SZT2: variants seen among roughly 807,000 people sequenced by gnomAD.
SZT2 encodes the protein SZT2 subunit of KICSTOR complex.
A neutral mutation model predicts 404.2 loss-of-function variants in SZT2; 216 were observed. The ratio of observed to expected loss-of-function variants is 0.53; its 90% CI spans 0.48 to 0.60. The LOEUF is 0.60. SZT2 is among the 20% of genes least tolerant of loss of function. SZT2 has a pLI of 0.00. For missense variants in SZT2, 3,857 were observed against 4,459.2 expected (o/e 0.86, Z 3.85); for synonymous variants, 1,693 against 1,749.9 (o/e 0.97, Z 0.81).
At position 43,453,969 on chromosome 1, in the gene SZT2, G is replaced by T. The variant is rs1474828075; in HGVS notation, c.*3489G>T. ...CCGGGCCTTCACGAAAAGCGCCTAC[G>T]GTTAGCGAGAGAGGGATCACGGGGA... On this transcript the variant is annotated 3_prime_UTR_variant, in exon 72 of 72. Coordinates refer to ENST00000634258, the MANE Select transcript of SZT2 (RefSeq NM_001365999.1). 8.4e-7 allele frequency: 1 copy of T among 1,193,116 alleles called. No homozygotes were observed. The highest frequency in any genetic ancestry group is 1.0e-6 in the Non-Finnish European group (1 of 963,430). The allele number at this position is 1,193,116 out of a possible 1,614,324, so 73.9% of individuals were successfully genotyped here. A position where few individuals can be genotyped will look rare whatever the true frequency, so the allele number is the denominator to read the frequency against.
Position 43,434,417 on chromosome 1 carries a change from A to C in SZT2, c.5836A>C (p.Thr1946Pro). The C allele has an allele frequency of 1.3e-6, 2 of 1,598,338 alleles. No homozygotes were observed. Among genetic ancestry groups the C allele is most frequent in the South Asian group, 1.1e-5 (1 of 87,172 alleles). ...SLIREDGGPGTECRHLQQLLV... is the reference protein window; with the variant it reads ...SLIREDGGPGPECRHLQQLLV... The stretch of plus-strand genomic sequence containing the variant: ...GATTCGGGAGGATGGGGGGCCGGGC[A>C]CTGAGTGTCGCCACCTGCAGCAGCT... Residue 1946 changes from threonine to proline, a missense_variant, in exon 41 of 72, where the codon ACT becomes CCT. Coordinates refer to ENST00000634258, the MANE Select transcript of SZT2 (RefSeq NM_001365999.1).
rs1652493942 is a variant in SZT2 at position 43,422,521 on chromosome 1, G to A, written c.1811G>A (p.Arg604His). 6.3e-7 allele frequency: 1 copy of A among 1,597,226 alleles called. No individual in the cohort carries two copies. The highest frequency in any genetic ancestry group is 8.5e-7 in the Non-Finnish European group (1 of 1,179,196). The change falls in exon 13 of 72, where the codon CGC (arginine) becomes CAC (histidine). Residue 604 changes from arginine to histidine, a missense_variant. By Grantham distance (29) the Arg-to-His change is conservative. Around this residue, in one of 7 missense-constraint regions of SZT2, gnomAD observed 1,725 missense variants for 1,881.0 expected, o/e 0.92. Transcript: ENST00000634258. ...KHLHTPGSNG[R>H]YSTIQCRISH... Reference sequence around the variant, plus strand: ...TTGCACACCCCGGGCAGCAATGGGCGCTACAGCACTATCCAGTGCAGGATC... The same window carrying A: ...TTGCACACCCCGGGCAGCAATGGGCACTACAGCACTATCCAGTGCAGGATC...
chr1:43,453,644 G>T lies in SZT2; in HGVS notation c.*3164G>T. ...GCCGCAGCCCCGCTTCTCGCGCGGC[G>T]CGCGCCAGCGCCTCAGGCGTCTCCG... On this transcript the variant is annotated 3_prime_UTR_variant, in exon 72 of 72. Coordinates refer to ENST00000634258, the MANE Select transcript of SZT2 (RefSeq NM_001365999.1). The T allele has an allele frequency of 6.7e-7, 1 of 1,490,476 alleles. No homozygotes were observed. Among genetic ancestry groups the T allele is most frequent in the South Asian group, 1.3e-5 (1 of 78,516 alleles). 92.3% of individuals were successfully genotyped at this position (1,490,476 alleles called of 1,614,324 possible).
At position 43,431,506 on chromosome 1, in the gene SZT2, G is replaced by A. The variant is rs76392948; in HGVS notation, c.5071G>A (p.Glu1691Lys). The A allele has an allele frequency of 1.2e-6, 2 of 1,613,956 alleles. No homozygotes were observed. Among genetic ancestry groups the A allele is most frequent in the Non-Finnish European group, 1.7e-6 (2 of 1,180,012 alleles). Residue 1691 changes from glutamate to lysine, a missense_variant, in exon 35 of 72, where the codon GAG becomes AAG. Glu to Lys is a moderately conservative substitution (Grantham distance 56). Around this residue, in one of 7 missense-constraint regions of SZT2, gnomAD observed 1,725 missense variants for 1,881.0 expected, o/e 0.92. Coordinates refer to ENST00000634258, the MANE Select transcript of SZT2 (RefSeq NM_001365999.1). ...GGCCACGCCCCACAGACTGGCTATT[G>A]AGACCACCATGAATGAGGTGAGCCC... ...NLATPHRLAI[E>K]TTMNEIRWLL...
rs749046289 is a variant in SZT2 at position 43,423,154 on chromosome 1, A to G, written c.2093A>G (p.Gln698Arg). ...ILRLRFPHRV[Q>R]SKEPTPKVKR... Reference sequence around the variant, plus strand: ...CGGCTGCGTTTCCCCCACCGGGTACAAAGCAAGGAGCCAACGCCCAAGGTG... The same window carrying G: ...CGGCTGCGTTTCCCCCACCGGGTACGAAGCAAGGAGCCAACGCCCAAGGTG... Residue 698 changes from glutamine (Q) to arginine (R), a missense_variant, in exon 15 of 72, where the codon CAA becomes CGA. Physicochemically the swap from Gln to Arg is conservative, Grantham distance 43. Coordinates refer to ENST00000634258, the MANE Select transcript of SZT2 (RefSeq NM_001365999.1). 2 of 1,597,246 alleles carry G rather than the reference A, an allele frequency of 1.3e-6. No individual in the cohort carries two copies. Among genetic ancestry groups the G allele is most frequent in the East Asian group, 2.2e-5 (1 of 44,844 alleles).
rs1233007548 is a variant in SZT2, at chr1:43,450,853, C to T, written c.*373C>T. 8.4e-6 allele frequency: 6 copies of T among 716,204 alleles called. No homozygotes were observed. The highest frequency in any genetic ancestry group is 1.5e-5 in the Non-Finnish European group (6 of 387,178). 44.4% of individuals were successfully genotyped at this position (716,204 alleles called of 1,614,324 possible). On this transcript the variant is annotated 3_prime_UTR_variant, in exon 72 of 72. Coordinates refer to ENST00000634258, the MANE Select transcript of SZT2 (RefSeq NM_001365999.1). The surrounding 1 kb of genome is among the most constrained non-coding windows in gnomAD (Gnocchi z 4.3). ...CTGCCCCCTAGCCTTTGACCACTGTCAGCCACCTGTGTCCCTTGAGCCTTC... is the reference window on the plus strand; with the variant it reads ...CTGCCCCCTAGCCTTTGACCACTGTTAGCCACCTGTGTCCCTTGAGCCTTC...
In SZT2 at chr1:43,453,795, C is replaced by T. The variant is rs1408388433; in HGVS notation, c.*3315C>T. ...GGCGGAGAAGCGCAGCGGCGCCATG[C>T]CTGGGGAGGCCGGGCCGGGCGGAGT... On this transcript the variant is annotated 3_prime_UTR_variant, in exon 72 of 72. Transcript: ENST00000634258. 1 of 1,266,454 alleles carries T rather than the reference C, an allele frequency of 7.9e-7. No homozygotes were observed. The highest frequency in any genetic ancestry group is 9.9e-7 in the Non-Finnish European group (1 of 1,009,022). 78.5% of individuals were successfully genotyped at this position (1,266,454 alleles called of 1,614,324 possible). A position where few individuals can be genotyped will look rare whatever the true frequency, so the allele number is the denominator to read the frequency against.
intron 1 of SZT2, among the ~76,000 whole-genome samples, chr1:43,395,993 T>C (rs939423443): frequency 9.9e-5 from 15 of 152,222 alleles, no homozygotes; most frequent in African/African-American, 3.1e-4. Flanking sequence ...ACAGGACTAA[T>C]TGAATGATCG....
At chr1:43,410,148 T>C (rs3001721) in intron 4 of SZT2, 51,052 of 151,988 alleles carry the variant, frequency 0.34, 9,281 homozygotes, top group Middle Eastern at 0.46. Context: ...AGAACATACA[T>C]TGGGGAAAGA....
At position 43,441,198 on chromosome 1, in the gene SZT2, A is replaced by G; in HGVS notation, c.7345-16A>G. The G allele has an allele frequency of 1.2e-6, 2 of 1,611,118 alleles. No individual in the cohort carries two copies. The highest frequency in any genetic ancestry group is 2.2e-5 in the East Asian group (1 of 44,802). On this transcript the variant is annotated splice_polypyrimidine_tract_variant and intron_variant, in intron 52 of 71. Transcript: ENST00000634258. The surrounding 1 kb of genome is among the most constrained non-coding windows in gnomAD (Gnocchi z 4.8). Reference sequence around the variant, plus strand: ...TCTTCCCAGTAGCCCTTCCTCATTCACTGCATTGCCCCCAGAGTAAAACAG... The same window carrying G: ...TCTTCCCAGTAGCCCTTCCTCATTCGCTGCATTGCCCCCAGAGTAAAACAG...
Position 43,453,322 on chromosome 1 carries a change from C to T in SZT2, c.*2842C>T. The T allele has an allele frequency of 9.0e-7, 1 of 1,105,192 alleles. No homozygotes were observed. The highest frequency in any genetic ancestry group is 1.5e-5 in the South Asian group (1 of 67,686). 68.5% of individuals were successfully genotyped at this position (1,105,192 alleles called of 1,614,324 possible). Reference sequence around the variant, plus strand: ...CTGAGCGTCTCAGATCTGGCGTCCTCGACTCCCTGAACCTGCATCAGGGTC... The same window carrying T: ...CTGAGCGTCTCAGATCTGGCGTCCTTGACTCCCTGAACCTGCATCAGGGTC... On this transcript the variant is annotated 3_prime_UTR_variant, in exon 72 of 72. Coordinates refer to ENST00000634258, the MANE Select transcript of SZT2 (RefSeq NM_001365999.1).
chr1:43,453,259 G>C lies in SZT2; in HGVS notation c.*2779G>C. On this transcript the variant is annotated 3_prime_UTR_variant, in exon 72 of 72. Coordinates refer to ENST00000634258, the MANE Select transcript of SZT2 (RefSeq NM_001365999.1). ...CAAAAGGCAATTTACAAAGGACCAGGACCGCAGAGGCAGAGATAAACCAGT... is the reference window on the plus strand; with the variant it reads ...CAAAAGGCAATTTACAAAGGACCAGCACCGCAGAGGCAGAGATAAACCAGT... 2 of 676,964 alleles carry C rather than the reference G, an allele frequency of 3.0e-6. No homozygotes were observed. Among genetic ancestry groups the C allele is most frequent in the South Asian group, 3.7e-5 (2 of 53,674 alleles). 41.9% of individuals were successfully genotyped at this position (676,964 alleles called of 1,614,324 possible). A position where few individuals can be genotyped will look rare whatever the true frequency, so the allele number is the denominator to read the frequency against.
At position 43,437,967 on chromosome 1, in the gene SZT2, T is replaced by C; in HGVS notation, c.6508+65T>C. On this transcript the variant is annotated intron_variant, in intron 46 of 71. Transcript: ENST00000634258. This position sits in a 1 kb window ranked among gnomAD's most constrained non-coding sequence, Gnocchi z 5.3. ...GTTCCAGAATCCTCTGGGACTTCTC[T>C]TAGAACCTTGCAAGCATTACACTAG... 2 of 1,503,762 alleles carry C rather than the reference T, an allele frequency of 1.3e-6. No homozygotes were observed. The highest frequency in any genetic ancestry group is 9.2e-7 in the Non-Finnish European group (1 of 1,082,234). The allele number at this position is 1,503,762 out of a possible 1,614,324, so 93.2% of individuals were successfully genotyped here.
In SZT2 at chr1:43,403,781, G is replaced by T. The variant is rs201252901; in HGVS notation, c.327+7G>T. 2.1e-4 allele frequency: 332 copies of T among 1,611,732 alleles called. No individual in the cohort carries two copies. The highest frequency in any genetic ancestry group is 2.7e-4 in the Non-Finnish European group (322 of 1,178,090). ...CCCATCTACTGGCATTGTGGTAAAG[G>T]ATTGAAGGGAGACTGTGGGAAGAAA... On this transcript the variant is annotated splice_region_variant and intron_variant, in intron 3 of 71. Transcript: ENST00000634258.
chr1:43,448,261 C>T lies in SZT2; in HGVS notation c.9746C>T (p.Pro3249Leu). ...ILAPGPAPLF[P>L]PLAAEVGMAR... The stretch of plus-strand genomic sequence containing the variant: ...GCGCCTGGACCGGCTCCTCTGTTCC[C>T]ACCACTGGCTGCAGAGGTGGGCATG... Residue 3249 changes from proline to leucine, a missense_variant, in exon 69 of 72, where the codon CCA becomes CTA. Physicochemically the swap from Pro to Leu is moderately conservative, Grantham distance 98. Transcript: ENST00000634258. The surrounding 1 kb of genome is among the most constrained non-coding windows in gnomAD (Gnocchi z 4.2). The T allele has an allele frequency of 6.3e-7, 1 of 1,576,734 alleles. No homozygotes were observed. The highest frequency in any genetic ancestry group is 8.6e-7 in the Non-Finnish European group (1 of 1,161,666).
intron 36 of SZT2, 73 bp from the exon 37 acceptor site, chr1:43,432,199 T>C (rs1653976865): frequency 2.3e-5 from 33 of 1,454,744 alleles, no homozygotes; most frequent in Non-Finnish European, 3.0e-5. Flanking sequence ...GAGCGTCTCA[T>C]GAGGAAGTGT....
intron 62 of SZT2, among the ~76,000 whole-genome samples, chr1:43,444,160 G>A (rs910774607): frequency 1.3e-5 from 2 of 152,090 alleles, no homozygotes; most frequent in African/African-American, 2.4e-5. Context: ...GCAGTGGCGC[G>A]ATCTCGGCTC....
rs764073086 is a variant in SZT2, at chr1:43,439,446, C to CG, written c.6877+6dup. The CG allele has an allele frequency of 4.4e-6, 7 of 1,607,590 alleles. No homozygotes were observed. In the Admixed American group the frequency reaches 8.4e-5, roughly 19 times the overall value. On this transcript the variant is annotated splice_donor_region_variant and intron_variant, in intron 49 of 71. Transcript: ENST00000634258. The surrounding 1 kb of genome is among the most constrained non-coding windows in gnomAD (Gnocchi z 4.2). The stretch of plus-strand genomic sequence containing the variant: ...GGACAGGGCACTGGGGGCAAAGGTA[C>CG]GGTGCAGGGCACGGGCCTGTGGCAC...
In SZT2 at chr1:43,420,026, G is replaced by A; in HGVS notation, c.1090+82G>A. ...ATGATGGGGCCCTGGAGGACTGAAA[G>A]TGTAACTGGGGCTGGCTCTGCTGGC... On this transcript the variant is annotated intron_variant, in intron 8 of 71. Coordinates refer to ENST00000634258, the MANE Select transcript of SZT2 (RefSeq NM_001365999.1). The surrounding 1 kb of genome is among the most constrained non-coding windows in gnomAD (Gnocchi z 5.1). 1 of 1,572,542 alleles carries A rather than the reference G, an allele frequency of 6.4e-7. No homozygotes were observed. Among genetic ancestry groups the A allele is most frequent in the Non-Finnish European group, 8.6e-7 (1 of 1,161,480 alleles).
Sources: allele counts gnomAD v4.1 joint callset (sites outside exome capture counted in the v4.1 genomes callset), GRCh38; gene constraint gnomAD v4.1.1; regional missense constraint gnomAD v4.1.1; non-coding constraint Gnocchi (gnomAD v3.1); transcripts MANE v1.5; gene names NCBI Gene and HGNC (gene_info 2026-07-23, HGNC 2026-07-21).